The following BEND6 variants were observed in gnomAD, a reference collection of about 807,000 sequenced individuals.
BEND6 encodes the protein BEN domain containing 6.
Under a neutral mutation model 31.8 loss-of-function variants are expected in BEND6, and 24 were observed. The observed-to-expected ratio is 0.75, with a 90% confidence interval of 0.55 to 1.06. BEND6 has a LOEUF of 1.06. BEND6 is among the 50% of genes least tolerant of loss of function. BEND6 has a pLI of 0.00. For synonymous variants in BEND6, 109 were observed against 114.6 expected, an observed-to-expected ratio of 0.95 and a Z score of 0.31; for missense variants, 294 against 327.4, an observed-to-expected ratio of 0.90 and a Z score of 0.79.
rs1281596050 is a variant in BEND6 at position 56,961,236 on chromosome 6, A to G, written c.-101+5776A>G. Reference sequence around the variant, plus strand: ...AGCACCTGGGTACCCCTGAGACTGTAAGAAGTGTCTTGGGGACTATCCGTC... The same window carrying G: ...AGCACCTGGGTACCCCTGAGACTGTGAGAAGTGTCTTGGGGACTATCCGTC... On this transcript the variant is annotated intron_variant, in intron 1 of 6. Transcript: ENST00000370746. Among the ~76,000 whole-genome samples the G allele has an allele frequency of 1.3e-5, 2 of 152,186 alleles. 1 individual carries two copies. Among genetic ancestry groups the G allele is most frequent in the Non-Finnish European group, 2.9e-5 (2 of 68,036 alleles).
At chr6:57,012,250 T>C (rs1827372705) in intron 3 of BEND6, among the ~76,000 whole-genome samples, 1 of 152,142 alleles carries the variant, frequency 6.6e-6, no homozygotes, top group African/African-American at 2.4e-5. Context: ...TAAAAAGGAA[T>C]GAATTATGGT....
intron 1 of BEND6, among the ~76,000 whole-genome samples, chr6:56,980,593 C>T (rs1416946855): frequency 6.6e-6 from 1 of 152,196 alleles, no homozygotes; most frequent in Admixed American, 6.5e-5. Flanking sequence ...TTAGCTCAAG[C>T]ACTATTCATG....
intron 3 of BEND6, among the ~76,000 whole-genome samples, chr6:57,011,945 G>A (rs941328457): frequency 1.3e-5 from 2 of 151,906 alleles, no homozygotes; most frequent in African/African-American, 4.8e-5. Context: ...GGCCAACATG[G>A]TGAAAGCCCA....
At chr6:57,015,415 G>A in intron 4 of BEND6, 62 bp downstream of exon 4, 2 of 1,385,032 alleles carry the variant, frequency 1.4e-6, no homozygotes, top group Admixed American at 1.9e-5. Flanking sequence ...ATTTAAATAA[G>A]GGTGGAAAAT....
chr6:56,959,025 T>G (rs1825195395), intron 1 of BEND6, among the ~76,000 whole-genome samples: 2 of 152,214 alleles, frequency 1.3e-5, no homozygotes, highest in Admixed American at 6.5e-5. Flanking sequence ...CAATGGTGAT[T>G]ATTTTGTCAG....
chr6:57,020,697 C>T (rs909052482), intron 6 of BEND6, among the ~76,000 whole-genome samples: 1 of 152,158 alleles, frequency 6.6e-6, no homozygotes, highest in Non-Finnish European at 1.5e-5. Context: ...GCTGGGATTA[C>T]AGGCGTGAGC....
chr6:56,959,228 G>A (rs1453843840), intron 1 of BEND6, among the ~76,000 whole-genome samples: 3 of 152,168 alleles, frequency 2.0e-5, no homozygotes, highest in African/African-American at 7.2e-5. Context: ...AATTGAGCCT[G>A]ACTAGTTAGG....
Position 56,994,011 on chromosome 6 carries a change from T to C in BEND6, c.298+1456T>C, listed in dbSNP as rs75360925. 1.2e-3 allele frequency among the ~76,000 whole-genome samples: 190 copies of C among 152,334 alleles called. 2 individuals carry two copies. Among genetic ancestry groups the C allele is most frequent in the African/African-American group, 4.3e-3 (178 of 41,572 alleles). On this transcript the variant is annotated intron_variant, in intron 3 of 6. Transcript: ENST00000370746. ...CACCGTACCTGGCCTTATTTCTTCA[T>C]TTTACATATTATGTTTTTAAAACTG... is the stretch of plus-strand genomic sequence containing the variant.
At chr6:57,005,572 T>A (rs1688870398) in intron 3 of BEND6, among the ~76,000 whole-genome samples, 1 of 151,340 alleles carries the variant, frequency 6.6e-6, no homozygotes, top group African/African-American at 2.4e-5. Flanking sequence ...CCCAGCTGCT[T>A]GGGAGGCTGA....
At chr6:57,014,618 G>A in intron 3 of BEND6, 2 of 930,456 alleles carry the variant, frequency 2.1e-6, no homozygotes, top group Non-Finnish European at 1.5e-6. Flanking sequence ...TTGAATTGTG[G>A]CAGTGCATTT....
chr6:56,989,838 C>T (rs936568617), intron 2 of BEND6, among the ~76,000 whole-genome samples: 1 of 152,054 alleles, frequency 6.6e-6, no homozygotes, highest in Non-Finnish European at 1.5e-5. Flanking sequence ...TGCAAATATC[C>T]ACCAGTTGTG....
intron 1 of BEND6, among the ~76,000 whole-genome samples, chr6:56,964,395 GGTTCT>G (rs1825395304): frequency 6.6e-6 from 1 of 152,162 alleles, no homozygotes; most frequent in African/African-American, 2.4e-5. Flanking sequence ...ATTTGCCCAA[GGTTCT>G]GTGTCCTGCT....
At chr6:56,967,560 C>G (rs138331845) in intron 1 of BEND6, among the ~76,000 whole-genome samples, 169 of 152,210 alleles carry the variant, frequency 1.1e-3, no homozygotes, top group African/African-American at 3.8e-3. Flanking sequence ...ACTCCAGACT[C>G]AGAGAGTGAA....
chr6:56,960,599 T>C (rs532745682), intron 1 of BEND6, among the ~76,000 whole-genome samples: 92 of 152,318 alleles, frequency 6.0e-4, no homozygotes, highest in African/African-American at 2.1e-3. Context: ...TTCTTTGTCA[T>C]TTAGGACTTT....
intron 1 of BEND6, among the ~76,000 whole-genome samples, chr6:56,956,037 G>A (rs1824874797): frequency 6.6e-6 from 1 of 152,276 alleles, no homozygotes; most frequent in Non-Finnish European, 1.5e-5. Flanking sequence ...AGCGGCTGCT[G>A]CAGCAGTCAT....
chr6:56,979,770 T>C (rs1346323263), intron 1 of BEND6, among the ~76,000 whole-genome samples: 1 of 152,268 alleles, frequency 6.6e-6, no homozygotes. Flanking sequence ...GCCTATTGGC[T>C]TGCAGTATCT....
chr6:56,996,440 C>T (rs1479395453), intron 3 of BEND6, among the ~76,000 whole-genome samples: 1 of 151,992 alleles, frequency 6.6e-6, no homozygotes. Flanking sequence ...TAGCGAGACT[C>T]TGTCAAAAAC....
At chr6:57,019,975 T>G (rs1827686230) in intron 6 of BEND6, among the ~76,000 whole-genome samples, 1 of 152,112 alleles carries the variant, frequency 6.6e-6, no homozygotes, top group Non-Finnish European at 1.5e-5. Flanking sequence ...AGTGCACACC[T>G]GTAGTCCCAG....
At chr6:57,018,010 G>A (rs1827622444) in intron 5 of BEND6, among the ~76,000 whole-genome samples, 1 of 152,220 alleles carries the variant, frequency 6.6e-6, no homozygotes, top group African/African-American at 2.4e-5. Flanking sequence ...GAACATGGCT[G>A]GGCGTGGTGG....
Sources: gnomAD v4.1 joint callset for allele counts (sites outside exome capture counted in the v4.1 genomes callset) on GRCh38, gnomAD v4.1.1 for gene constraint, MANE v1.5 for transcripts, NCBI Gene and HGNC (gene_info 2026-07-23, HGNC 2026-07-21) for gene names.